Variants in NOL4 observed in about 807,000 individuals in gnomAD.
NOL4 encodes the protein cancer/testis antigen 125.
NOL4 carries 17 observed loss-of-function variants against 75.9 expected under a neutral mutation model. The ratio of observed to expected loss-of-function variants is 0.22; its 90% CI spans 0.15 to 0.34. The LOEUF (loss-of-function observed/expected upper bound fraction) is 0.34. Ranked by LOEUF, NOL4 falls within the 10% of genes least tolerant of loss-of-function variation. The pLI is 1.00. For synonymous variants in NOL4, 292 were observed against 289.9 expected (o/e 1.01, Z -0.07); for missense variants, 614 against 793.5 (o/e 0.77, Z 2.72).
At chr18:33,982,843 C>T (rs545510188) in intron 6 of NOL4, among the ~76,000 whole-genome samples, 9 of 150,768 alleles carry the variant, frequency 6.0e-5, no homozygotes, top group Non-Finnish European at 7.4e-5. Flanking sequence ...CTCTGCTTCC[C>T]GGGTTCAAGT....
chr18:33,926,992 T>A (rs906122669), intron 9 of NOL4, among the ~76,000 whole-genome samples: 7 of 152,326 alleles, frequency 4.6e-5, no homozygotes, highest in African/African-American at 1.7e-4. Flanking sequence ...TTTATGTACT[T>A]TGGCTCTCTG....
At chr18:34,092,613 G>T (rs752083110) in intron 5 of NOL4, among the ~76,000 whole-genome samples, 4 of 152,112 alleles carry the variant, frequency 2.6e-5, no homozygotes, top group African/African-American at 2.4e-5. Flanking sequence ...ATCTATAAAT[G>T]TAAGTACAAA....
intron 5 of NOL4, among the ~76,000 whole-genome samples, chr18:34,068,715 A>C (rs533703757): frequency 6.6e-6 from 1 of 152,266 alleles, no homozygotes; most frequent in African/African-American, 2.4e-5. Context: ...CTTATTTCTG[A>C]GCATCCTCAC....
At chr18:34,200,106 T>C (rs1335339642) in intron 1 of NOL4, among the ~76,000 whole-genome samples, 1 of 151,640 alleles carries the variant, frequency 6.6e-6, no homozygotes, top group African/African-American at 2.4e-5. Context: ...AAACTAAGAG[T>C]TGACAGAGAA....
At chr18:34,059,118 TATAC>T (rs1056893407) in intron 5 of NOL4, among the ~76,000 whole-genome samples, 1 of 90,344 alleles carries the variant, frequency 1.1e-5, no homozygotes. Flanking sequence ...GATAGATAGA[TATAC>T]ATATATATAT....
At chr18:34,026,881 G>T (rs2075370321) in intron 5 of NOL4, among the ~76,000 whole-genome samples, 1 of 152,040 alleles carries the variant, frequency 6.6e-6, no homozygotes, top group African/African-American at 2.4e-5. Flanking sequence ...TTAGAAACTG[G>T]TTTCCTAATT....
At chr18:33,976,758 T>C (rs988913075) in intron 6 of NOL4, among the ~76,000 whole-genome samples, 31 of 152,288 alleles carry the variant, frequency 2.0e-4, no homozygotes, top group Non-Finnish European at 8.8e-5. Flanking sequence ...GAGGTGAGCC[T>C]TGAAGGTGAT....
Position 34,068,637 on chromosome 18 carries a change from TCCACCCACCTCGGCCTC to T in NOL4, c.772+24811_772+24827del, listed in dbSNP as rs573600536. ...ATGTTCTCGATCTGCTGACCTCATG[TCCACCCACCTCGGCCTC>T]CCAAAGTGCTGGGATTACAGGCATA... On this transcript the variant is annotated intron_variant, in intron 5 of 10. Coordinates refer to ENST00000261592, the MANE Select transcript of NOL4 (RefSeq NM_003787.5). Among the ~76,000 whole-genome samples the T allele has an allele frequency of 2.0e-5, 3 of 152,238 alleles. No individual in the cohort carries two copies. The South Asian group carries it at 6.2e-4, about 32-fold the overall frequency.
intron 1 of NOL4, among the ~76,000 whole-genome samples, chr18:34,175,359 A>C (rs1022643057): frequency 2.6e-5 from 4 of 152,214 alleles, no homozygotes; most frequent in Non-Finnish European, 5.9e-5. Flanking sequence ...AAAATGTTTT[A>C]TCTTTGCAGC....
chr18:33,987,950 C>T (rs1343922621), intron 6 of NOL4, among the ~76,000 whole-genome samples: 2 of 152,094 alleles, frequency 1.3e-5, no homozygotes, highest in African/African-American at 2.4e-5. Flanking sequence ...ACTCCACATA[C>T]ACTACCCTAC....
chr18:33,869,630 A>C (rs2063597728), intron 10 of NOL4, among the ~76,000 whole-genome samples: 1 of 152,066 alleles, frequency 6.6e-6, no homozygotes, highest in Non-Finnish European at 1.5e-5. Context: ...GTTAATCTAC[A>C]ATCATCCAAC....
chr18:33,863,131 T>C (rs2063246818), intron 10 of NOL4, among the ~76,000 whole-genome samples: 1 of 152,068 alleles, frequency 6.6e-6, no homozygotes, highest in Non-Finnish European at 1.5e-5. Flanking sequence ...GGGACATGGA[T>C]GAAATTGGAA....
chr18:34,057,772 C>T (rs796277766), intron 5 of NOL4, among the ~76,000 whole-genome samples: 2 of 152,062 alleles, frequency 1.3e-5, no homozygotes, highest in South Asian at 4.1e-4. Context: ...TTGCACATTG[C>T]TATGGAAATA....
At chr18:33,972,897 G>A (rs1180182529) in intron 6 of NOL4, among the ~76,000 whole-genome samples, 3 of 152,232 alleles carry the variant, frequency 2.0e-5, no homozygotes, top group Non-Finnish European at 2.9e-5. Context: ...TTGCCCCCAT[G>A]TTGATGGTTG....
At chr18:34,188,678 G>A (rs759816648) in intron 1 of NOL4, among the ~76,000 whole-genome samples, 1 of 152,184 alleles carries the variant, frequency 6.6e-6, no homozygotes, top group Non-Finnish European at 1.5e-5. Context: ...CCCAAAGAGT[G>A]TATTATATCA....
intron 6 of NOL4, among the ~76,000 whole-genome samples, chr18:33,997,178 A>T (rs1009697002): frequency 4.6e-5 from 7 of 152,034 alleles, no homozygotes; most frequent in Admixed American, 2.6e-4. Flanking sequence ...GATGTCCAGA[A>T]GGGTATTTCC....
intron 5 of NOL4, among the ~76,000 whole-genome samples, chr18:34,024,443 C>T (rs933566614): frequency 7.9e-5 from 12 of 151,612 alleles, no homozygotes; most frequent in Non-Finnish European, 1.6e-4. Context: ...TTAGTACCTT[C>T]ATATCCAAAA....
chr18:33,869,603 A>C (rs1353126515), intron 10 of NOL4, among the ~76,000 whole-genome samples: 1 of 152,076 alleles, frequency 6.6e-6, no homozygotes, highest in Admixed American at 6.6e-5. Flanking sequence ...GATATTCTGC[A>C]TATTTAAGAA....
chr18:33,891,638 G>C (rs2065102012), intron 9 of NOL4, among the ~76,000 whole-genome samples: 1 of 152,112 alleles, frequency 6.6e-6, no homozygotes, highest in African/African-American at 2.4e-5. Context: ...CTTCGTATTT[G>C]GAAAATAACA....
Sources: allele counts gnomAD v4.1 joint callset (sites outside exome capture counted in the v4.1 genomes callset), GRCh38; gene constraint gnomAD v4.1.1; transcripts MANE v1.5; gene names NCBI Gene and HGNC (gene_info 2026-07-23, HGNC 2026-07-21).